The following LACTB variants were observed in gnomAD, a reference collection of about 807,000 sequenced individuals.
LACTB encodes the protein serine beta-lactamase-like protein LACTB, mitochondrial.
In LACTB, 35 loss-of-function variants were observed where a neutral mutation model predicts 50.2. The ratio of observed to expected loss-of-function variants is 0.70; its 90% CI spans 0.53 to 0.92. LACTB has a LOEUF of 0.92. Among genes scored for constraint, LACTB ranks in the 40% least tolerant of loss-of-function variants. LACTB has a pLI of 0.00. For missense variants in LACTB, 664 were observed against 691.8 expected (o/e 0.96, Z 0.45); for synonymous variants, 252 against 268.2 (o/e 0.94, Z 0.59).
chr15:63,127,703 CCT>C lies in LACTB; in HGVS notation c.952+15_952+16del. 8.2e-6 allele frequency: 12 copies of C among 1,470,024 alleles called. No individual in the cohort carries two copies. Among genetic ancestry groups the C allele is most frequent in the Non-Finnish European group, 1.1e-5 (12 of 1,074,858 alleles). 91.1% of individuals were successfully genotyped at this position (1,470,024 alleles called of 1,614,324 possible). Reference sequence around the variant, plus strand: ...TCTTCAAACCTGGTGAGTGTTAATCCCTTCTCTTAACAAAATCATCATTACTG... The same window carrying C: ...TCTTCAAACCTGGTGAGTGTTAATCCTCTCTTAACAAAATCATCATTACTG... On this transcript the variant is annotated intron_variant, in intron 4 of 5. Coordinates refer to ENST00000261893, the MANE Select transcript of LACTB (RefSeq NM_032857.5).
chr15:63,141,838 T>G lies in LACTB; in HGVS notation c.*33T>G. On this transcript the variant is annotated 3_prime_UTR_variant, in exon 6 of 6. Transcript: ENST00000261893. The stretch of plus-strand genomic sequence containing the variant: ...AACACCATAGGTGCAAAATGAGTTG[T>G]TCTGAGGTTTTTTTGAAACATTAAA... The G allele has an allele frequency of 6.5e-7, 1 of 1,548,150 alleles. No individual in the cohort carries two copies. The highest frequency in any genetic ancestry group is 1.2e-5 in the South Asian group (1 of 83,644).
At chr15:63,128,902 C>T (rs1434955556) in intron 4 of LACTB, among the ~76,000 whole-genome samples, 1 of 152,048 alleles carries the variant, frequency 6.6e-6, no homozygotes, top group Non-Finnish European at 1.5e-5. Flanking sequence ...CGCCACCACA[C>T]CTGGCTAATT....
In LACTB at chr15:63,135,608, T is replaced by C. The variant is rs559730346; in HGVS notation, c.1119-5672T>C. Among the ~76,000 whole-genome samples the C allele has an allele frequency of 5.9e-5, 9 of 152,252 alleles. No homozygotes were observed. In the East Asian group the frequency reaches 1.7e-3, roughly 29 times the overall value. On this transcript the variant is annotated intron_variant, in intron 5 of 5. Coordinates refer to ENST00000261893, the MANE Select transcript of LACTB (RefSeq NM_032857.5). The stretch of plus-strand genomic sequence containing the variant: ...GGTGGCATGCGCCTGTAGTCCCAGC[T>C]ACTTGGAGGCTGAGCGGGGAGGATC...
At chr15:63,134,144 G>A (rs949855691) in intron 5 of LACTB, among the ~76,000 whole-genome samples, 7 of 151,120 alleles carry the variant, frequency 4.6e-5, no homozygotes, top group Admixed American at 2.6e-4. Flanking sequence ...ATACCATAGT[G>A]GTTTTCAAAC....
chr15:63,122,471 C>T (rs2036988213), intron 1 of LACTB, 165 bp from the exon 2 acceptor site: 1 of 735,368 alleles, frequency 1.4e-6, no homozygotes, highest in Non-Finnish European at 2.4e-6. Context: ...ACAGGCACAT[C>T]CCTTGCTGTT....
rs1013613136 is a variant in LACTB, at chr15:63,122,851, G to T, written c.424+149G>T. ...AACATCTAACATAATAAAGAGTCAG[G>T]TGTTTTTAAATCACGGTAAGGTTTA... is the stretch of plus-strand genomic sequence containing the variant. On this transcript the variant is annotated intron_variant, in intron 2 of 5. Coordinates refer to ENST00000261893, the MANE Select transcript of LACTB (RefSeq NM_032857.5). 1.4e-5 allele frequency: 9 copies of T among 642,054 alleles called. No individual in the cohort carries two copies. The African/African-American group carries it at 1.5e-4, about 11-fold the overall frequency. The allele number at this position is 642,054 out of a possible 1,614,324, so 39.8% of individuals were successfully genotyped here.
intron 5 of LACTB, among the ~76,000 whole-genome samples, chr15:63,131,776 C>T (rs1269248414): frequency 6.6e-6 from 1 of 152,034 alleles, no homozygotes; most frequent in Non-Finnish European, 1.5e-5. Context: ...GAGACCCCGT[C>T]TCCACAAAAA....
rs56336727 is a variant in LACTB at position 63,139,934 on chromosome 15, CAAAAA to C, written c.1119-1329_1119-1325del. Among the ~76,000 whole-genome samples the C allele has an allele frequency of 1.3e-3, 182 of 141,474 alleles. 1 individual carries two copies. The highest frequency in any genetic ancestry group is 1.7e-3 in the Non-Finnish European group (110 of 65,002). 92.8% of individuals were successfully genotyped at this position (141,474 alleles called of 152,430 possible). On this transcript the variant is annotated intron_variant, in intron 5 of 5. Coordinates refer to ENST00000261893, the MANE Select transcript of LACTB (RefSeq NM_032857.5). The stretch of plus-strand genomic sequence containing the variant: ...ACAACAGTGAGACCTTCATCTCTAC[CAAAAA>C]AAAAAAAAAAAAAAAATCTTAGCCA...
rs2037233645 is a variant in LACTB at position 63,141,946 on chromosome 15, AT to A, written c.*145del. ...AGAATTATGTACCTCTAATTGCTTAATTTTGTAATGGTCTTTTATTGTAGAA... is the reference window on the plus strand; with the variant it reads ...AGAATTATGTACCTCTAATTGCTTAATTTGTAATGGTCTTTTATTGTAGAA... On this transcript the variant is annotated 3_prime_UTR_variant, in exon 6 of 6. Transcript: ENST00000261893. The A allele has an allele frequency of 3.1e-6, 2 of 649,340 alleles. No homozygotes were observed. The highest frequency in any genetic ancestry group is 5.1e-6 in the Non-Finnish European group (2 of 391,652). 40.2% of individuals were successfully genotyped at this position (649,340 alleles called of 1,614,324 possible).
chr15:63,140,681 T>G (rs1478768950), intron 5 of LACTB, among the ~76,000 whole-genome samples: 1 of 152,138 alleles, frequency 6.6e-6, no homozygotes, highest in South Asian at 2.1e-4. Flanking sequence ...GGGTCTTGCT[T>G]TGCTGCCCAG....
chr15:63,137,676 A>G (rs1319751168), intron 5 of LACTB, among the ~76,000 whole-genome samples: 4 of 152,214 alleles, frequency 2.6e-5, no homozygotes, highest in African/African-American at 7.2e-5. Flanking sequence ...TTTATTGACC[A>G]TAATCACCAT....
chr15:63,129,385 G>A, intron 4 of LACTB, 100 bp from the exon 5 acceptor site: 1 of 1,102,414 alleles, frequency 9.1e-7, no homozygotes, highest in Non-Finnish European at 1.2e-6. Flanking sequence ...AAATATTCCA[G>A]TTTTAAAAGT....
Position 63,141,991 on chromosome 15 carries a change from G to T in LACTB, c.*186G>T. 1.9e-6 allele frequency: 1 copy of T among 527,284 alleles called. No homozygotes were observed. The highest frequency in any genetic ancestry group is 3.3e-6 in the Non-Finnish European group (1 of 302,126). The allele number at this position is 527,284 out of a possible 1,614,324, so 32.7% of individuals were successfully genotyped here. On this transcript the variant is annotated 3_prime_UTR_variant, in exon 6 of 6. Transcript: ENST00000261893. ...TGTAGAATTGGTTCTTTATACTCAG[G>T]GAAGTAATTATATTGTTTTTACTTT...
In LACTB at chr15:63,127,429, AAGAAG is replaced by A; in HGVS notation, c.697_701del (p.Glu233SerfsTer3). 1.2e-6 allele frequency: 2 copies of A among 1,603,630 alleles called. No homozygotes were observed. The highest frequency in any genetic ancestry group is 1.7e-6 in the Non-Finnish European group (2 of 1,177,110). The stretch of plus-strand genomic sequence containing the variant: ...TATGAAAAGGACATAAAAAAGGTGA[AAGAAG>A]AGAAAGCTTATAAAGCCTTGAAGAT... On this transcript the variant is annotated frameshift_variant, in exon 4 of 6. Transcript: ENST00000261893. LOFTEE classifies it high-confidence loss of function.
chr15:63,125,564 A>G (rs1168148433), intron 2 of LACTB, among the ~76,000 whole-genome samples: 1 of 152,252 alleles, frequency 6.6e-6, no homozygotes, highest in African/African-American at 2.4e-5. Flanking sequence ...ATCAAAAATT[A>G]TATAAATGTC....
At chr15:63,122,286 C>A in intron 1 of LACTB, 58 bp downstream of exon 1, 1 of 1,391,354 alleles carries the variant, frequency 7.2e-7, no homozygotes, top group Non-Finnish European at 9.5e-7. Flanking sequence ...GTCGGCGGTG[C>A]TGTCGGGGGC....
rs972853678 is a variant in LACTB, at chr15:63,122,117, G to T, written c.246G>T (p.Pro82=). The change falls in exon 1 of 6, where the codon CCG becomes CCT. Residue 82 remains proline (P), a synonymous_variant. Coordinates refer to ENST00000261893, the MANE Select transcript of LACTB (RefSeq NM_032857.5). The stretch of plus-strand genomic sequence containing the variant: ...CTGAGGCGTCGCCTCTGGCCGAGCC[G>T]CCACAGGAGCAGTCCCTCGCCCCGT... ...PDPEASPLAE[P]PQEQSLAPWS... 4 of 1,481,430 alleles carry T rather than the reference G, an allele frequency of 2.7e-6. No individual in the cohort carries two copies. In the African/African-American group the frequency reaches 5.9e-5, roughly 22 times the overall value. 91.8% of individuals were successfully genotyped at this position (1,481,430 alleles called of 1,614,324 possible).
At chr15:63,126,127 G>T (rs1002163196) in intron 2 of LACTB, 4 of 152,072 alleles carry the variant, frequency 2.6e-5, no homozygotes, top group Admixed American at 2.0e-4. Context: ...TGGTTAGCTA[G>T]ATTTGGTTTG....
In LACTB at chr15:63,122,047, G is replaced by A; in HGVS notation, c.176G>A (p.Gly59Glu). ...GCGCTCGGGGTGAAGCTGGCAGGTG[G>A]GCTGAGGGGCGCGGCCCCGGCGCAG... Reference protein sequence around the residue: ...GLALGVKLAGGLRGAAPAQSP... With the variant: ...GLALGVKLAGELRGAAPAQSP... Residue 59 changes from glycine (G) to glutamate (E), a missense_variant, in exon 1 of 6, where the codon GGG becomes GAG. Transcript: ENST00000261893. The A allele has an allele frequency of 7.0e-7, 1 of 1,425,486 alleles. No individual in the cohort carries two copies. Among genetic ancestry groups the A allele is most frequent in the Non-Finnish European group, 9.1e-7 (1 of 1,098,568 alleles). 88.3% of individuals were successfully genotyped at this position (1,425,486 alleles called of 1,614,324 possible). A position where few individuals can be genotyped will look rare whatever the true frequency, so the allele number is the denominator to read the frequency against.
Sources: allele counts gnomAD v4.1 joint callset (sites outside exome capture counted in the v4.1 genomes callset), GRCh38; gene constraint gnomAD v4.1.1; transcripts MANE v1.5; gene names NCBI Gene and HGNC (gene_info 2026-07-23, HGNC 2026-07-21).